Variants in FHIT observed in about 807,000 individuals in gnomAD.
FHIT encodes bis(5'-adenosyl)-triphosphatase.
A neutral mutation model predicts 17.9 loss-of-function variants in FHIT; 19 were observed. The observed-to-expected ratio is 1.06, with a 90% CI of 0.74 to 1.56. The LOEUF (loss-of-function observed/expected upper bound fraction) is 1.56, where lower values mean the gene tolerates loss of function less well. Among genes scored for constraint, FHIT ranks in the 40% most tolerant of loss-of-function variants. The pLI is 0.00. For synonymous variants in FHIT, 81 were observed against 69.7 expected, an observed-to-expected ratio of 1.16 and a Z score of -0.81; for missense variants, 248 against 189.2, an observed-to-expected ratio of 1.31 and a Z score of -1.82.
intron 2 of FHIT, among the ~76,000 whole-genome samples, chr3:61,085,873 A>G (rs143818070): frequency 6.6e-6 from 1 of 152,148 alleles, no homozygotes; most frequent in Non-Finnish European, 1.5e-5. Context: ...CAATTTGTTC[A>G]TAGTTTATAA....
chr3:60,630,253 T>C (rs535074956), intron 4 of FHIT, among the ~76,000 whole-genome samples: 2 of 152,306 alleles, frequency 1.3e-5, no homozygotes, highest in South Asian at 4.1e-4. Context: ...TGTGATTCCA[T>C]CAGTTTTATA....
intron 4 of FHIT, among the ~76,000 whole-genome samples, chr3:60,708,963 C>A (rs914315924): frequency 2.2e-4 from 33 of 152,132 alleles, no homozygotes; most frequent in Admixed American, 3.3e-4. Flanking sequence ...TTTCTGGCAA[C>A]TGGGTTTCTA....
At chr3:60,614,965 G>A (rs535298431) in intron 4 of FHIT, among the ~76,000 whole-genome samples, 128 of 151,760 alleles carry the variant, frequency 8.4e-4, no homozygotes, top group Admixed American at 2.8e-3. Flanking sequence ...GGGTAGCTGG[G>A]ACTACAGGCG....
chr3:60,701,384 T>C (rs1178500495), intron 4 of FHIT, among the ~76,000 whole-genome samples: 2 of 152,110 alleles, frequency 1.3e-5, no homozygotes, highest in Non-Finnish European at 2.9e-5. Context: ...GAGCAGGCTG[T>C]ATGGGAGACG....
intron 8 of FHIT, among the ~76,000 whole-genome samples, chr3:59,818,405 C>T (rs968635649): frequency 1.3e-5 from 2 of 152,070 alleles, no homozygotes; most frequent in African/African-American, 4.8e-5. Flanking sequence ...CTCTACCTTT[C>T]GCAGAGACTG....
chr3:60,367,260 A>G (rs909019537), intron 5 of FHIT, among the ~76,000 whole-genome samples: 1 of 152,198 alleles, frequency 6.6e-6, no homozygotes, highest in Non-Finnish European at 1.5e-5. Context: ...ACCCAAATGA[A>G]TGGCTTCAAT....
intron 8 of FHIT, among the ~76,000 whole-genome samples, chr3:59,839,927 A>G (rs1206366876): frequency 6.6e-6 from 1 of 152,250 alleles, no homozygotes; most frequent in Non-Finnish European, 1.5e-5. Context: ...AGAAGTTGGC[A>G]TTAAACCTCA....
At chr3:60,181,528 A>G (rs1290517474) in intron 5 of FHIT, among the ~76,000 whole-genome samples, 1 of 152,124 alleles carries the variant, frequency 6.6e-6, no homozygotes, top group Non-Finnish European at 1.5e-5. Flanking sequence ...ATATATAGCT[A>G]TAGGCTAGGA....
intron 4 of FHIT, among the ~76,000 whole-genome samples, chr3:60,571,505 G>C (rs891918345): frequency 2.6e-5 from 4 of 152,056 alleles, no homozygotes; most frequent in Non-Finnish European, 4.4e-5. Context: ...GAGAATTTGA[G>C]AAAATTTTAC....
chr3:59,948,493 G>A lies in FHIT; in HGVS notation c.280-26079C>T, dbSNP rs578072800. 1.0e-3 allele frequency among the ~76,000 whole-genome samples: 151 copies of A among 151,156 alleles called. 1 individual carries two copies. Among genetic ancestry groups the A allele is most frequent in the African/African-American group, 3.5e-3 (144 of 41,126 alleles). On this transcript the variant is annotated intron_variant, in intron 7 of 9. Transcript: ENST00000492590. Reference sequence around the variant, plus strand: ...GATCATGCCACTGCACTCCAGCCTGGGCAACAGAGCGAGATTCTGTCTAAA... The same window carrying A: ...GATCATGCCACTGCACTCCAGCCTGAGCAACAGAGCGAGATTCTGTCTAAA...
chr3:59,814,045 T>TAAACAC lies in FHIT; in HGVS notation c.349-61725_349-61724insGTGTTT, dbSNP rs1553685378. The stretch of plus-strand genomic sequence containing the variant: ...CCCTCTATGTAAAAAAATTTACACA[T>TAAACAC]ACACACACACACACACACACACACA... On this transcript the variant is annotated intron_variant, in intron 8 of 9. Coordinates refer to ENST00000492590, the MANE Select transcript of FHIT (RefSeq NM_002012.4). Among the ~76,000 whole-genome samples, 9 of 146,872 alleles carry TAAACAC rather than the reference T, an allele frequency of 6.1e-5. 1 individual carries two copies. The South Asian group carries it at 2.0e-3, about 32-fold the overall frequency.
intron 3 of FHIT, among the ~76,000 whole-genome samples, chr3:61,024,531 T>A (rs1046344792): frequency 6.6e-6 from 1 of 152,112 alleles, no homozygotes; most frequent in Non-Finnish European, 1.5e-5. Context: ...AAGAAAAAAA[T>A]TCTATATAAT....
chr3:60,220,810 C>T (rs548626267), intron 5 of FHIT, among the ~76,000 whole-genome samples: 1 of 152,164 alleles, frequency 6.6e-6, no homozygotes, highest in South Asian at 2.1e-4. Context: ...CATTTAGAGC[C>T]GACATTCATT....
chr3:60,103,799 T>C (rs143767276), intron 5 of FHIT, among the ~76,000 whole-genome samples: 3 of 152,310 alleles, frequency 2.0e-5, no homozygotes, highest in East Asian at 3.9e-4. Context: ...GGATGGCATG[T>C]CCTTCACTGC....
chr3:59,891,238 G>A (rs61450628), intron 8 of FHIT, among the ~76,000 whole-genome samples: 1 of 152,110 alleles, frequency 6.6e-6, no homozygotes, highest in African/African-American at 2.4e-5. Context: ...CAGGAACCAA[G>A]GACACAAAAT....
intron 4 of FHIT, among the ~76,000 whole-genome samples, chr3:60,781,069 C>T (rs1553725612): frequency 1.3e-5 from 2 of 152,178 alleles, no homozygotes; most frequent in Non-Finnish European, 2.9e-5. Flanking sequence ...AAGGAAAAGT[C>T]CTGCAACACC....
chr3:60,983,812 G>T (rs915459273), intron 3 of FHIT, among the ~76,000 whole-genome samples: 1 of 152,136 alleles, frequency 6.6e-6, no homozygotes, highest in African/African-American at 2.4e-5. Context: ...AGACATCTTT[G>T]TACTTTGTAC....
At chr3:59,757,079 C>G (rs1335259161) in intron 8 of FHIT, among the ~76,000 whole-genome samples, 1 of 152,138 alleles carries the variant, frequency 6.6e-6, no homozygotes, top group Non-Finnish European at 1.5e-5. Context: ...TTAAATGTGA[C>G]TCTGCTTGCT....
At chr3:60,612,604 A>G (rs1277295658) in intron 4 of FHIT, among the ~76,000 whole-genome samples, 1 of 152,204 alleles carries the variant, frequency 6.6e-6, no homozygotes, top group Non-Finnish European at 1.5e-5. Context: ...CAGGTCACCC[A>G]TTCCAAGTCT....
Sources: allele counts gnomAD v4.1 joint callset (sites outside exome capture counted in the v4.1 genomes callset), GRCh38; gene constraint gnomAD v4.1.1; transcripts MANE v1.5; gene names NCBI Gene and HGNC (gene_info 2026-07-23, HGNC 2026-07-21).